Variants in ZBTB10 observed in about 807,000 individuals in gnomAD.
ZBTB10 encodes the protein zinc finger and BTB domain containing 10.
ZBTB10 carries 32 observed loss-of-function variants against 76.4 expected under a neutral mutation model. The ratio of observed to expected loss-of-function variants is 0.42; its 90% CI spans 0.32 to 0.56. ZBTB10 has a LOEUF of 0.56. Among genes scored for constraint, ZBTB10 ranks in the 20% least tolerant of loss-of-function variants. The probability of loss-of-function intolerance (pLI) is 0.14; values close to 1 mark genes in which losing one functional copy is unlikely to be tolerated. For missense variants in ZBTB10, 1,057 were observed against 1,098.5 expected, an observed-to-expected ratio of 0.96 and a Z score of 0.53; for synonymous variants, 523 against 432.9, an observed-to-expected ratio of 1.21 and a Z score of -2.58.
In ZBTB10 at chr8:80,521,977, C is replaced by T. The variant is rs1283848365; in HGVS notation, c.*2449C>T. 3 of 151,754 alleles carry T rather than the reference C, an allele frequency of 2.0e-5. No homozygotes were observed. The highest frequency in any genetic ancestry group is 4.4e-5 in the Non-Finnish European group (3 of 67,776). The allele number at this position is 151,754 out of a possible 1,614,324, so 9.4% of individuals were successfully genotyped here. A position where few individuals can be genotyped will look rare whatever the true frequency, so the allele number is the denominator to read the frequency against. On this transcript the variant is annotated 3_prime_UTR_variant, in exon 6 of 6. Coordinates refer to ENST00000455036, the MANE Select transcript of ZBTB10 (RefSeq NM_001105539.3). Reference sequence around the variant, plus strand: ...GTAATCCAAAGGAAAAGTGTTTATACTCTTGAATATATTAGCCTCAGCCTA... The same window carrying T: ...GTAATCCAAAGGAAAAGTGTTTATATTCTTGAATATATTAGCCTCAGCCTA...
At chr8:80,497,676 C>T (rs1013983654) in intron 1 of ZBTB10, among the ~76,000 whole-genome samples, 14 of 144,976 alleles carry the variant, frequency 9.7e-5, no homozygotes, top group Non-Finnish European at 1.9e-4. Context: ...GAAGTGTGTC[C>T]TGGAATCTTT....
intron 1 of ZBTB10, among the ~76,000 whole-genome samples, chr8:80,489,711 T>G (rs1469648763): frequency 6.6e-6 from 1 of 152,210 alleles, no homozygotes. Context: ...ACTACGACTC[T>G]CTTCCTCATC....
chr8:80,519,437 C>G lies in ZBTB10; in HGVS notation c.2525C>G (p.Ala842Gly), dbSNP rs1563468455. The change falls in exon 6 of 6, where the codon GCT (alanine) becomes GGT (glycine). Residue 842 changes from alanine (A) to glycine (G), a missense_variant. By Grantham distance (60) the Ala-to-Gly change is moderately conservative. Around this residue, in one of 5 missense-constraint regions of ZBTB10, gnomAD observed 55 missense variants for 65.5 expected, o/e 0.84. Transcript: ENST00000455036. ...TACGAGGAGAATGAAGTAGGAGAAG[C>G]TGATGAAGAGCTAGTTGATGATGGA... ...EEYEENEVGE[A>G]DEELVDDGED... 5 of 1,612,410 alleles carry G rather than the reference C, an allele frequency of 3.1e-6. No homozygotes were observed. Among genetic ancestry groups the G allele is most frequent in the African/African-American group, 1.3e-5 (1 of 74,944 alleles).
intron 2 of ZBTB10, 49 bp from the exon 3 acceptor site, chr8:80,513,861 G>A: frequency 2.7e-6 from 4 of 1,463,276 alleles, no homozygotes; most frequent in Non-Finnish European, 3.8e-6. Flanking sequence ...GTTTTGGGTG[G>A]TGGCTATGGT....
At position 80,517,871 on chromosome 8, in the gene ZBTB10, C is replaced by CTTTTTTTTTTTTTTTTTTTTTT. The variant is rs773074047; in HGVS notation, c.1961-528_1961-507dup. 7.8e-5 allele frequency among the ~76,000 whole-genome samples: 6 copies of CTTTTTTTTTTTTTTTTTTTTTT among 76,842 alleles called. 1 individual carries two copies. The highest frequency in any genetic ancestry group is 1.4e-4 in the Non-Finnish European group (6 of 43,094). The allele number at this position is 76,842 out of a possible 152,430, so 50.4% of individuals were successfully genotyped here. A position where few individuals can be genotyped will look rare whatever the true frequency, so the allele number is the denominator to read the frequency against. On this transcript the variant is annotated intron_variant, in intron 3 of 5. Coordinates refer to ENST00000455036, the MANE Select transcript of ZBTB10 (RefSeq NM_001105539.3). Reference sequence around the variant, plus strand: ...CATGTTTTTTTCTCCCGCCCGCCACCTTTTTTTTTTTTTTTTTTTTTTTTT... The same window carrying CTTTTTTTTTTTTTTTTTTTTTT: ...CATGTTTTTTTCTCCCGCCCGCCACCTTTTTTTTTTTTTTTTTTTTTTTTTTTTTTTTTTTTTTTTTTTTTTT...
At chr8:80,509,203 T>C (rs1216180608) in intron 2 of ZBTB10, among the ~76,000 whole-genome samples, 1 of 152,048 alleles carries the variant, frequency 6.6e-6, no homozygotes, top group Non-Finnish European at 1.5e-5. Context: ...TACCTGTTTA[T>C]GGGGGGGAAA....
intron 1 of ZBTB10, 42 bp downstream of exon 1, chr8:80,487,824 GA>G: frequency 2.0e-6 from 3 of 1,515,542 alleles, no homozygotes; most frequent in Non-Finnish European, 1.8e-6. Context: ...ATCTTTTAGG[GA>G]AAGGTTTATC....
At position 80,520,255 on chromosome 8, in the gene ZBTB10, A is replaced by G. The variant is rs1030778113; in HGVS notation, c.*727A>G. 4 of 152,548 alleles carry G rather than the reference A, an allele frequency of 2.6e-5. No homozygotes were observed. The highest frequency in any genetic ancestry group is 9.7e-5 in the African/African-American group (4 of 41,442). 9.4% of individuals were successfully genotyped at this position (152,548 alleles called of 1,614,324 possible). A position where few individuals can be genotyped will look rare whatever the true frequency, so the allele number is the denominator to read the frequency against. Reference sequence around the variant, plus strand: ...AAATGAAGAATGATGTTATGAAGTTACCGTGGCGAAGTTGACAAATACCAC... The same window carrying G: ...AAATGAAGAATGATGTTATGAAGTTGCCGTGGCGAAGTTGACAAATACCAC... On this transcript the variant is annotated 3_prime_UTR_variant, in exon 6 of 6. Transcript: ENST00000455036.
chr8:80,491,413 C>T (rs1190447323), intron 1 of ZBTB10, among the ~76,000 whole-genome samples: 1 of 152,168 alleles, frequency 6.6e-6, no homozygotes, highest in Non-Finnish European at 1.5e-5. Flanking sequence ...CAGATCATAT[C>T]CCTCTCGTTA....
In ZBTB10 at chr8:80,486,654, G is replaced by A. The variant is rs906552738; in HGVS notation, c.-157G>A. ...GCAGCAGACCCGGGAGCGAGCGCGA[G>A]CCGGGCTGCCGGGCGAGAGGGCGAG... On this transcript the variant is annotated 5_prime_UTR_variant, in exon 1 of 6. Transcript: ENST00000455036. The A allele has an allele frequency of 2.5e-5, 25 of 988,342 alleles. No homozygotes were observed. The Admixed American group carries it at 1.1e-3, about 44-fold the overall frequency. 61.2% of individuals were successfully genotyped at this position (988,342 alleles called of 1,614,324 possible). A position where few individuals can be genotyped will look rare whatever the true frequency, so the allele number is the denominator to read the frequency against.
chr8:80,491,109 A>G (rs1320698376), intron 1 of ZBTB10, among the ~76,000 whole-genome samples: 1 of 152,134 alleles, frequency 6.6e-6, no homozygotes, highest in African/African-American at 2.4e-5. Flanking sequence ...TAGGCCTTTC[A>G]TTCAGTCACC....
At chr8:80,503,236 A>C (rs568779478) in intron 2 of ZBTB10, among the ~76,000 whole-genome samples, 1 of 152,324 alleles carries the variant, frequency 6.6e-6, no homozygotes, top group South Asian at 2.1e-4. Context: ...GACAAATATG[A>C]AATAACTCTT....
intron 2 of ZBTB10, among the ~76,000 whole-genome samples, chr8:80,511,135 T>TA (rs1353727964): frequency 6.6e-6 from 1 of 152,232 alleles, no homozygotes; most frequent in African/African-American, 2.4e-5. Flanking sequence ...TTGTTTTTGA[T>TA]ATCAAGAACC....
chr8:80,492,939 G>A (rs1815668145), intron 1 of ZBTB10, among the ~76,000 whole-genome samples: 1 of 152,000 alleles, frequency 6.6e-6, no homozygotes, highest in East Asian at 1.9e-4. Context: ...GCCAGGCGCA[G>A]TGAGTGGTTC....
intron 2 of ZBTB10, among the ~76,000 whole-genome samples, chr8:80,509,686 C>T (rs569439729): frequency 9.2e-5 from 14 of 152,236 alleles, no homozygotes; most frequent in Admixed American, 7.9e-4. Flanking sequence ...GTCATGGGCA[C>T]ATTTTTGGGA....
chr8:80,512,459 C>T (rs1040407939), intron 2 of ZBTB10, among the ~76,000 whole-genome samples: 10 of 152,248 alleles, frequency 6.6e-5, no homozygotes, highest in Admixed American at 5.2e-4. Context: ...GCCTGTAATC[C>T]CAGCACTTTG....
At chr8:80,514,580 C>T (rs1816281717) in intron 3 of ZBTB10, among the ~76,000 whole-genome samples, 1 of 152,210 alleles carries the variant, frequency 6.6e-6, no homozygotes, top group Admixed American at 6.5e-5. Flanking sequence ...TCAAAGTCAT[C>T]AGTGGATGTT....
chr8:80,486,445 G>T lies in ZBTB10; in HGVS notation c.-366G>T. ...GCGGCTTTAAAGAGGGGGCAGCGGA[G>T]GGTCTCCCCGCACTCCGCTGCTCAA... On this transcript the variant is annotated 5_prime_UTR_variant, in exon 1 of 6. In the 5' UTR this introduces an upstream ATG that the reference lacks. Transcript: ENST00000455036. The T allele has an allele frequency of 2.0e-6, 2 of 985,050 alleles. No homozygotes were observed. The highest frequency in any genetic ancestry group is 9.4e-5 in the South Asian group (2 of 21,310). 61.0% of individuals were successfully genotyped at this position (985,050 alleles called of 1,614,324 possible). A position where few individuals can be genotyped will look rare whatever the true frequency, so the allele number is the denominator to read the frequency against.
chr8:80,518,473 A>G lies in ZBTB10; in HGVS notation c.2031A>G (p.Pro677=). Residue 677 remains proline (P), a synonymous_variant, in exon 4 of 6, where the codon CCA becomes CCG. Coordinates refer to ENST00000455036, the MANE Select transcript of ZBTB10 (RefSeq NM_001105539.3). ...PSNDFKYGLI[P]GTSNDFKYGL... is the part of the protein sequence containing the mutation. ...ATGATTTCAAGTATGGATTGATACC[A>G]GGTACTTCAAATGATTTCAAGTATG... 6.4e-7 allele frequency: 1 copy of G among 1,553,280 alleles called. No individual in the cohort carries two copies. The highest frequency in any genetic ancestry group is 8.7e-7 in the Non-Finnish European group (1 of 1,147,848).
Sources: gnomAD v4.1 joint callset for allele counts (sites outside exome capture counted in the v4.1 genomes callset) on GRCh38, gnomAD v4.1.1 for gene constraint, gnomAD v4.1.1 regional missense constraint, MANE v1.5 for transcripts, NCBI Gene and HGNC (gene_info 2026-07-23, HGNC 2026-07-21) for gene names.